KIFAP3: variants seen among roughly 807,000 people sequenced by gnomAD.
KIFAP3 encodes kinesin-associated protein 3.
In KIFAP3, 68 loss-of-function variants were observed where a neutral mutation model predicts 106.5. That is an observed-to-expected ratio of 0.64 (90% confidence interval 0.53 to 0.78). The LOEUF (loss-of-function observed/expected upper bound fraction) is 0.78, where lower values mean the gene tolerates loss of function less well. KIFAP3 is among the 30% of genes least tolerant of loss of function. The pLI is 0.00. For synonymous variants in KIFAP3, 320 were observed against 311.5 expected, an observed-to-expected ratio of 1.03 and a Z score of -0.29; for missense variants, 780 against 941.8, an observed-to-expected ratio of 0.83 and a Z score of 2.25.
intron 10 of KIFAP3, among the ~76,000 whole-genome samples, chr1:170,008,389 C>T (rs1391684985): frequency 4.0e-5 from 6 of 151,470 alleles, no homozygotes; most frequent in Non-Finnish European, 1.5e-5. Flanking sequence ...GGGCTAATAT[C>T]CAGAATCTAC....
chr1:169,921,578 A>G lies in KIFAP3; in HGVS notation c.*98T>C. ...AAAATAAAAACAAACACAGACCCAC[A>G]ATAACATCAACATGCATTATTAGGC... On this transcript the variant is annotated 3_prime_UTR_variant, in exon 20 of 20. Transcript: ENST00000361580. 1 of 871,592 alleles carries G rather than the reference A, an allele frequency of 1.1e-6. No individual in the cohort carries two copies. Among genetic ancestry groups the G allele is most frequent in the Non-Finnish European group, 1.9e-6 (1 of 537,640 alleles). The allele number at this position is 871,592 out of a possible 1,614,324, so 54.0% of individuals were successfully genotyped here. A position where few individuals can be genotyped will look rare whatever the true frequency, so the allele number is the denominator to read the frequency against.
At chr1:170,011,771 T>C (rs540494777) in intron 10 of KIFAP3, among the ~76,000 whole-genome samples, 45 of 152,190 alleles carry the variant, frequency 3.0e-4, no homozygotes, top group African/African-American at 1.1e-3. Context: ...ATAAGCATTG[T>C]AGCCAAAGAC....
intron 15 of KIFAP3, 82 bp from the exon 16 acceptor site, chr1:169,978,265 C>T (rs909726959): frequency 4.5e-5 from 39 of 871,012 alleles, no homozygotes; most frequent in Admixed American, 1.3e-4. Flanking sequence ...TAATATAGAA[C>T]GAGAAAAACT....
chr1:170,075,727 A>G (rs1030835460), upstream of KIFAP3, among the ~76,000 whole-genome samples: 1 of 152,228 alleles, frequency 6.6e-6, no homozygotes, highest in African/African-American at 2.4e-5. Flanking sequence ...GAAAGGGAAG[A>G]AAATTTGCAG....
chr1:170,029,159 A>G (rs1036777053), intron 8 of KIFAP3, among the ~76,000 whole-genome samples: 1 of 152,216 alleles, frequency 6.6e-6, no homozygotes, highest in Non-Finnish European at 1.5e-5. Context: ...CTTCATACTG[A>G]TAACAAGGAC....
intron 10 of KIFAP3, among the ~76,000 whole-genome samples, chr1:170,002,576 T>G (rs948504827): frequency 6.6e-5 from 10 of 152,084 alleles, no homozygotes; most frequent in African/African-American, 2.4e-4. Context: ...GAATCAAAAT[T>G]TACACAGGTA....
intron 10 of KIFAP3, among the ~76,000 whole-genome samples, chr1:169,997,863 T>A (rs1667441004): frequency 2.2e-5 from 1 of 45,230 alleles, no homozygotes; most frequent in Non-Finnish European, 3.6e-5. Flanking sequence ...GAGTGAGACG[T>A]CTCAAAAAAA....
intron 2 of KIFAP3, among the ~76,000 whole-genome samples, chr1:170,047,619 T>TC: frequency 1.8e-5 from 1 of 54,344 alleles, no homozygotes; most frequent in South Asian, 6.7e-4. Context: ...AGGCTCTGTC[T>TC]CAAAAAAAAA....
chr1:170,020,160 T>C (rs1237165115), intron 9 of KIFAP3, among the ~76,000 whole-genome samples: 1 of 152,178 alleles, frequency 6.6e-6, no homozygotes, highest in Non-Finnish European at 1.5e-5. Context: ...AAGACCCACA[T>C]AAATAGAAAG....
At chr1:169,937,576 T>C (rs1443070857) in intron 19 of KIFAP3, among the ~76,000 whole-genome samples, 2 of 151,834 alleles carry the variant, frequency 1.3e-5, no homozygotes, top group African/African-American at 4.8e-5. Flanking sequence ...GCTATTGGAC[T>C]ATGAAAACTA....
chr1:169,946,371 TAAATC>T (rs147684110), intron 19 of KIFAP3, among the ~76,000 whole-genome samples: 48,046 of 151,838 alleles, frequency 0.32, 8,314 homozygotes, highest in East Asian at 0.67. Context: ...TCAAATGTAT[TAAATC>T]AAACTGGGTA....
At chr1:170,030,167 G>C (rs935761730) in intron 8 of KIFAP3, among the ~76,000 whole-genome samples, 7 of 151,712 alleles carry the variant, frequency 4.6e-5, no homozygotes, top group African/African-American at 1.7e-4. Flanking sequence ...TACTTTAGGA[G>C]AACAAAAATT....
intron 10 of KIFAP3, among the ~76,000 whole-genome samples, chr1:170,000,610 A>G (rs1360085956): frequency 2.0e-5 from 3 of 152,300 alleles, no homozygotes; most frequent in African/African-American, 7.2e-5. Flanking sequence ...GCTATATCAG[A>G]ACATCTTTGA....
At chr1:169,972,754 T>A (rs1224492011) in intron 16 of KIFAP3, among the ~76,000 whole-genome samples, 156 bp from the exon 17 acceptor site, 1 of 151,738 alleles carries the variant, frequency 6.6e-6, no homozygotes, top group Non-Finnish European at 1.5e-5. Context: ...CAAAAACACT[T>A]AATGTTTCAT....
At chr1:169,966,402 G>C (rs1452843200) in intron 17 of KIFAP3, among the ~76,000 whole-genome samples, 1 of 149,384 alleles carries the variant, frequency 6.7e-6, no homozygotes, top group African/African-American at 2.5e-5. Flanking sequence ...TTTCCTAAGA[G>C]GTGGCCTTGA....
chr1:169,978,284 TAAG>T, intron 15 of KIFAP3, 101 bp from the exon 16 acceptor site: 1 of 715,508 alleles, frequency 1.4e-6, no homozygotes, highest in Non-Finnish European at 2.4e-6. Context: ...CTAAAAGTGA[TAAG>T]GAGACAAGCA....
At position 169,976,429 on chromosome 1, in the gene KIFAP3, C is replaced by CT. The variant is rs780463694; in HGVS notation, c.1897+1655dup. Among the ~76,000 whole-genome samples, 924 of 148,184 alleles carry CT rather than the reference C, an allele frequency of 6.2e-3. 2 individuals are homozygous for CT. The highest frequency in any genetic ancestry group is 0.01 in the Non-Finnish European group (697 of 66,652). ...CCAAACTTATTTACTATCAGAGAACCTTTTTTTTTTCATTAAGCAGCTGTT... is the reference window on the plus strand; with the variant it reads ...CCAAACTTATTTACTATCAGAGAACCTTTTTTTTTTTCATTAAGCAGCTGTT... On this transcript the variant is annotated intron_variant, in intron 16 of 19. Transcript: ENST00000361580.
At chr1:170,029,061 T>C (rs1418529343) in intron 8 of KIFAP3, among the ~76,000 whole-genome samples, 1 of 152,074 alleles carries the variant, frequency 6.6e-6, no homozygotes. Flanking sequence ...ATATATCCCA[T>C]ACTAACACTA....
chr1:169,925,972 T>C (rs2101766510), intron 19 of KIFAP3, among the ~76,000 whole-genome samples: 1 of 152,334 alleles, frequency 6.6e-6, no homozygotes, highest in East Asian at 1.9e-4. Flanking sequence ...AATGAATTTA[T>C]TAATAAATGG....
Sources: allele counts gnomAD v4.1 joint callset (sites outside exome capture counted in the v4.1 genomes callset), GRCh38; gene constraint gnomAD v4.1.1; transcripts MANE v1.5; gene names NCBI Gene and HGNC (gene_info 2026-07-23, HGNC 2026-07-21).